The following SCN9A variants were observed in gnomAD, a reference collection of about 807,000 sequenced individuals.
SCN9A encodes sodium voltage-gated channel alpha subunit 9.
SCN9A carries 131 observed loss-of-function variants against 187.0 expected under a neutral mutation model. The observed-to-expected ratio is 0.70, with a 90% CI of 0.61 to 0.81. The LOEUF is 0.81. Ranked by LOEUF, SCN9A falls within the 30% of genes least tolerant of loss-of-function variation. The pLI is 0.00. For missense variants in SCN9A, 2,252 were observed against 2,396.6 expected (o/e 0.94, Z 1.26); for synonymous variants, 809 against 808.6 (o/e 1.00, Z -0.01).
intron 1 of SCN9A, among the ~76,000 whole-genome samples, chr2:166,342,056 T>C (rs1444394057): frequency 6.6e-6 from 1 of 152,200 alleles, no homozygotes; most frequent in Non-Finnish European, 1.5e-5. Flanking sequence ...AATAACTATG[T>C]GATTATTATG....
chr2:166,326,985 TA>T (rs1699379317), intron 1 of SCN9A, among the ~76,000 whole-genome samples: 2 of 152,296 alleles, frequency 1.3e-5, no homozygotes, highest in Middle Eastern at 3.4e-3. Flanking sequence ...GCATTGCAAT[TA>T]AAATTCAATG....
Position 166,199,398 on chromosome 2 carries a change from G to A in SCN9A, c.5241C>T (p.Ser1747=). The change falls in exon 27 of 27, where the codon TCC becomes TCT. Residue 1747 remains serine (S), a synonymous_variant. Coordinates refer to ENST00000642356, the MANE Select transcript of SCN9A (RefSeq NM_001365536.1). ...IFYFVSYIII[S]FLVVVNMYIA... ...TGTACATGTTCACCACAACCAGGAA[G>A]GATATGATGATATAACTAACAAAGT... 6.2e-7 allele frequency: 1 copy of A among 1,614,180 alleles called. No individual in the cohort carries two copies. Among genetic ancestry groups the A allele is most frequent in the Non-Finnish European group, 8.5e-7 (1 of 1,180,034 alleles).
chr2:166,282,768 G>C (rs1489128858), intron 12 of SCN9A, among the ~76,000 whole-genome samples: 2 of 152,114 alleles, frequency 1.3e-5, no homozygotes, highest in African/African-American at 4.8e-5. Context: ...ATGTGCATGG[G>C]TGTATTATGC....
chr2:166,293,329 G>T lies in SCN9A; in HGVS notation c.1009C>A (p.Pro337Thr). ...GYTCVKIGRN[P>T]DYGYTSFDTF... ...TCAAAGCTCGTGTAGCCATAATCAGGGTTTCTGCCAATTTTCACACAGGTG... is the reference window on the plus strand; with the variant it reads ...TCAAAGCTCGTGTAGCCATAATCAGTGTTTCTGCCAATTTTCACACAGGTG... Residue 337 changes from proline to threonine, a missense_variant, in exon 9 of 27, where the codon CCT becomes ACT. Coordinates refer to ENST00000642356, the MANE Select transcript of SCN9A (RefSeq NM_001365536.1). 1 of 1,609,104 alleles carries T rather than the reference G, an allele frequency of 6.2e-7. No homozygotes were observed. The highest frequency in any genetic ancestry group is 1.1e-5 in the South Asian group (1 of 89,770).
At chr2:166,367,876 A>T (rs1270973558) in intron 1 of SCN9A, among the ~76,000 whole-genome samples, 1 of 152,196 alleles carries the variant, frequency 6.6e-6, no homozygotes, top group African/African-American at 2.4e-5. Flanking sequence ...TTGGTGTCCA[A>T]GAAGAAAATT....
chr2:166,203,145 G>T (rs988772379), intron 26 of SCN9A, among the ~76,000 whole-genome samples: 1 of 151,602 alleles, frequency 6.6e-6, no homozygotes, highest in Non-Finnish European at 1.5e-5. Flanking sequence ...CAAAATTATT[G>T]ATTTTAAATG....
chr2:166,330,954 G>T (rs550247150), intron 1 of SCN9A, among the ~76,000 whole-genome samples: 82 of 152,188 alleles, frequency 5.4e-4, no homozygotes, highest in Non-Finnish European at 9.7e-4. Flanking sequence ...ACAGATCCAG[G>T]TTTTATGGAT....
chr2:166,306,271 C>A (rs2106526858), intron 4 of SCN9A, among the ~76,000 whole-genome samples: 1 of 152,150 alleles, frequency 6.6e-6, no homozygotes, highest in South Asian at 2.1e-4. Flanking sequence ...TGTAACATGT[C>A]TAAGAACAGG....
chr2:166,325,533 A>G (rs750148529), intron 1 of SCN9A, among the ~76,000 whole-genome samples: 1 of 152,150 alleles, frequency 6.6e-6, no homozygotes, highest in Non-Finnish European at 1.5e-5. Flanking sequence ...GTCTTATTAT[A>G]ATAGGCTAAA....
chr2:166,279,833 T>C (rs1697398511), intron 14 of SCN9A, among the ~76,000 whole-genome samples: 1 of 151,942 alleles, frequency 6.6e-6, no homozygotes. Context: ...AATGAAGTAT[T>C]ATTTTATAAA....
chr2:166,299,793 C>T (rs189037757), intron 7 of SCN9A, among the ~76,000 whole-genome samples: 61 of 150,866 alleles, frequency 4.0e-4, no homozygotes, highest in Non-Finnish European at 6.2e-4. Flanking sequence ...ATTATATATC[C>T]ACCTGGACAT....
rs1553482109 is a variant in SCN9A at position 166,242,628 on chromosome 2, T to C, written c.3501A>G (p.Gln1167=). 2.6e-6 allele frequency: 4 copies of C among 1,552,310 alleles called. No individual in the cohort carries two copies. Among genetic ancestry groups the C allele is most frequent in the South Asian group, 2.4e-5 (2 of 84,048 alleles). ...TTCCTTTCCCTGACTCTATGTTAAC[T>C]TGGCAGCATGAGAACCTCCATACAC... ...DGCVWRFSCC[Q]VNIESGKGKI... is the part of the protein sequence containing the mutation. The change falls in exon 19 of 27, where the codon CAA becomes CAG. Residue 1167 remains glutamine (Q), a synonymous_variant. Transcript: ENST00000642356.
intron 1 of SCN9A, among the ~76,000 whole-genome samples, chr2:166,374,309 TA>T (rs1270055043): frequency 6.6e-6 from 1 of 152,172 alleles, no homozygotes; most frequent in Non-Finnish European, 1.5e-5. Flanking sequence ...TACAAAATTT[TA>T]AAAAACTTGT....
At chr2:166,341,777 C>T (rs1699791270) in intron 1 of SCN9A, among the ~76,000 whole-genome samples, 1 of 152,148 alleles carries the variant, frequency 6.6e-6, no homozygotes, top group South Asian at 2.1e-4. Context: ...AGAGGAATTG[C>T]TGTTTCATTT....
At chr2:166,360,067 C>A (rs1484804471) in intron 1 of SCN9A, among the ~76,000 whole-genome samples, 2 of 150,982 alleles carry the variant, frequency 1.3e-5, no homozygotes, top group African/African-American at 4.9e-5. Flanking sequence ...ACTAAAAATA[C>A]AAAATTAGCT....
At position 166,279,933 on chromosome 2, in the gene SCN9A, G is replaced by T. The variant is rs534765472; in HGVS notation, c.2343+424C>A. On this transcript the variant is annotated intron_variant, in intron 14 of 26. Transcript: ENST00000642356. ...AATCAGCATTCAAACCCAGGACTTT[G>T]GGACTCTGAGGACCCAAACACTTCA... Among the ~76,000 whole-genome samples the T allele has an allele frequency of 1.2e-3, 183 of 152,160 alleles. 1 individual carries two copies. The highest frequency in any genetic ancestry group is 4.3e-3 in the African/African-American group (180 of 41,538).
At chr2:166,258,262 C>G (rs909069618) in intron 17 of SCN9A, among the ~76,000 whole-genome samples, 2 of 151,376 alleles carry the variant, frequency 1.3e-5, no homozygotes, top group Non-Finnish European at 3.0e-5. Flanking sequence ...TTCAATAAGG[C>G]AATACATATT....
intron 1 of SCN9A, among the ~76,000 whole-genome samples, chr2:166,326,861 T>C (rs1464159022): frequency 1.3e-5 from 2 of 152,280 alleles, no homozygotes; most frequent in African/African-American, 2.4e-5. Flanking sequence ...TCCTGCACTT[T>C]GCTTAAATAA....
intron 1 of SCN9A, among the ~76,000 whole-genome samples, chr2:166,323,337 T>G (rs1699288064): frequency 6.6e-6 from 1 of 152,176 alleles, no homozygotes; most frequent in South Asian, 2.1e-4. Context: ...GAACATACTA[T>G]TTGGAAAACG....
Sources: allele counts gnomAD v4.1 joint callset (sites outside exome capture counted in the v4.1 genomes callset), GRCh38; gene constraint gnomAD v4.1.1; transcripts MANE v1.5; gene names NCBI Gene and HGNC (gene_info 2026-07-23, HGNC 2026-07-21).